The following CFAP299 variants were observed in gnomAD, a reference collection of about 807,000 sequenced individuals.
CFAP299 encodes the protein cilia- and flagella-associated protein 299.
A neutral mutation model predicts 27.0 loss-of-function variants in CFAP299; 21 were observed. The observed-to-expected ratio is 0.78, with a 90% CI of 0.55 to 1.12. The LOEUF (loss-of-function observed/expected upper bound fraction) is 1.12, where lower values mean the gene tolerates loss of function less well. Among genes scored for constraint, CFAP299 ranks in the 50% most tolerant of loss-of-function variants. The pLI is 0.00. For missense variants in CFAP299, 310 were observed against 276.6 expected (o/e 1.12, Z -0.86); for synonymous variants, 104 against 98.1 (o/e 1.06, Z -0.36).
the CFAP299 span, among the ~76,000 whole-genome samples, chr4:80,321,518 G>A: frequency 1.7e-4 from 26 of 151,680 alleles, no homozygotes; most frequent in African/African-American, 3.4e-4. Context: ...ATGTCCCCCC[G>A]CCCACCACCG....
intron 3 of CFAP299, among the ~76,000 whole-genome samples, chr4:80,684,129 G>A (rs1276802654): frequency 3.3e-5 from 5 of 152,120 alleles, no homozygotes; most frequent in South Asian, 2.1e-4. Flanking sequence ...TTGCCAAAGC[G>A]ATTATGTTCT....
chr4:80,707,078 G>T (rs1721864410), intron 3 of CFAP299, among the ~76,000 whole-genome samples: 1 of 151,884 alleles, frequency 6.6e-6, no homozygotes. Flanking sequence ...CTGAAAATAA[G>T]ATTTTGTACC....
rs547130815 is a variant in CFAP299, at chr4:80,553,388, A to G, written c.243-29705A>G. 7.9e-5 allele frequency among the ~76,000 whole-genome samples: 12 copies of G among 152,260 alleles called. 1 individual carries two copies. The South Asian group carries it at 2.5e-3, about 32-fold the overall frequency. ...AGGTACCAAATATGTACCAAATTTT[A>G]TCTATCCAATCTGTCATTGATAGGC... is the stretch of plus-strand genomic sequence containing the variant. On this transcript the variant is annotated intron_variant, in intron 2 of 5. Transcript: ENST00000358105.
intron 2 of CFAP299, among the ~76,000 whole-genome samples, chr4:80,380,719 A>G (rs1035794272): frequency 4.6e-5 from 7 of 152,122 alleles, no homozygotes; most frequent in East Asian, 1.9e-4. Flanking sequence ...GTGAGCCACC[A>G]TGCCTTGACT....
chr4:80,666,620 A>C (rs887650395), intron 3 of CFAP299, among the ~76,000 whole-genome samples: 2 of 152,152 alleles, frequency 1.3e-5, no homozygotes, highest in African/African-American at 4.8e-5. Flanking sequence ...GCTTTTCAAT[A>C]CCTATAGCAG....
At chr4:80,861,216 G>T (rs531752534) in intron 3 of CFAP299, among the ~76,000 whole-genome samples, 30 of 152,330 alleles carry the variant, frequency 2.0e-4, no homozygotes, top group African/African-American at 5.3e-4. Flanking sequence ...CTCCGAGCCA[G>T]GTGCAGGATA....
chr4:80,856,601 G>C (rs34464656), intron 3 of CFAP299, among the ~76,000 whole-genome samples: 2,623 of 141,270 alleles, frequency 0.019, 74 homozygotes, highest in African/African-American at 0.062. Context: ...GGAAGGGATC[G>C]AGTTTCAGCT....
At chr4:80,544,732 C>T (rs1166387500) in intron 2 of CFAP299, among the ~76,000 whole-genome samples, 1 of 152,100 alleles carries the variant, frequency 6.6e-6, no homozygotes, top group Non-Finnish European at 1.5e-5. Flanking sequence ...CTTAAGAGGA[C>T]TATGAAGAAA....
At chr4:80,597,050 A>C (rs546718352) in intron 3 of CFAP299, among the ~76,000 whole-genome samples, 1 of 152,212 alleles carries the variant, frequency 6.6e-6, no homozygotes, top group South Asian at 2.1e-4. Context: ...CTTTGTGTGC[A>C]TATATGTATA....
At chr4:80,866,184 T>C (rs1290702664) in intron 3 of CFAP299, among the ~76,000 whole-genome samples, 1 of 149,576 alleles carries the variant, frequency 6.7e-6, no homozygotes, top group African/African-American at 2.4e-5. Flanking sequence ...TATGCAGGTT[T>C]GTGTGAGAAC....
intron 3 of CFAP299, among the ~76,000 whole-genome samples, chr4:80,598,098 T>C (rs1737149016): frequency 6.6e-6 from 1 of 152,200 alleles, no homozygotes; most frequent in African/African-American, 2.4e-5. Flanking sequence ...AAATTGCAGG[T>C]CTGAGTTGAA....
At chr4:80,625,860 C>A (rs1738866032) in intron 3 of CFAP299, among the ~76,000 whole-genome samples, 1 of 151,844 alleles carries the variant, frequency 6.6e-6, no homozygotes. Context: ...TATACGTACC[C>A]AATATCCAAG....
intron 3 of CFAP299, among the ~76,000 whole-genome samples, chr4:80,679,193 G>T (rs1719669565): frequency 6.6e-6 from 1 of 151,950 alleles, no homozygotes; most frequent in Non-Finnish European, 1.5e-5. Flanking sequence ...ACTTTTTTCA[G>T]TAAGCAAAAT....
At chr4:80,915,069 A>G (rs1735677046) in intron 4 of CFAP299, among the ~76,000 whole-genome samples, 1 of 151,798 alleles carries the variant, frequency 6.6e-6, no homozygotes, top group Non-Finnish European at 1.5e-5. Context: ...TTTTCCCCTA[A>G]GCACTGCTTT....
chr4:80,911,341 G>A (rs1346075690), intron 4 of CFAP299, among the ~76,000 whole-genome samples: 1 of 149,774 alleles, frequency 6.7e-6, no homozygotes, highest in Admixed American at 6.7e-5. Flanking sequence ...ACTCACATTT[G>A]AAGATATTAT....
chr4:80,417,405 G>A (rs1484133593), intron 2 of CFAP299, among the ~76,000 whole-genome samples: 2 of 152,020 alleles, frequency 1.3e-5, no homozygotes, highest in East Asian at 1.9e-4. Context: ...CAGCCCAGGA[G>A]GTCTCAGCCT....
At chr4:80,911,939 G>T (rs536694556) in intron 4 of CFAP299, among the ~76,000 whole-genome samples, 32 of 27,156 alleles carry the variant, frequency 1.2e-3, no homozygotes, top group Middle Eastern at 0.025. Flanking sequence ...GTCTGAAATT[G>T]CCTCAAAATA....
chr4:80,910,649 A>G (rs1221771750), intron 4 of CFAP299, among the ~76,000 whole-genome samples: 3 of 152,150 alleles, frequency 2.0e-5, no homozygotes, highest in African/African-American at 2.4e-5. Context: ...AAAGAGGACA[A>G]CAATAGGCAC....
chr4:80,806,590 G>T (rs370633605), intron 3 of CFAP299, among the ~76,000 whole-genome samples: 96 of 152,280 alleles, frequency 6.3e-4, no homozygotes, highest in Admixed American at 3.4e-3. Context: ...AATTCAATTT[G>T]CAGTGTCATT....
Sources: gnomAD v4.1 joint callset for allele counts (sites outside exome capture counted in the v4.1 genomes callset) on GRCh38, gnomAD v4.1.1 for gene constraint, MANE v1.5 for transcripts, NCBI Gene and HGNC (gene_info 2026-07-23, HGNC 2026-07-21) for gene names.